CCDC73: variants seen among roughly 807,000 people sequenced by gnomAD.
The protein encoded by CCDC73 is coiled-coil domain containing 73, also known as coiled-coil domain-containing protein 73.
CCDC73 carries 95 observed loss-of-function variants against 116.5 expected under a neutral mutation model. That is an observed-to-expected ratio of 0.82 (90% confidence interval 0.69 to 0.97). CCDC73 has a LOEUF of 0.97. CCDC73 is among the 50% of genes least tolerant of loss of function. The pLI, the probability that CCDC73 is intolerant of heterozygous loss-of-function variation, is 0.00. For synonymous variants in CCDC73, 398 were observed against 401.3 expected, an observed-to-expected ratio of 0.99 and a Z score of 0.10; for missense variants, 1,066 against 1,206.8, an observed-to-expected ratio of 0.88 and a Z score of 1.73.
chr11:32,777,547 G>C (rs745790239), intron 1 of CCDC73, among the ~76,000 whole-genome samples: 1 of 152,212 alleles, frequency 6.6e-6, no homozygotes, highest in Non-Finnish European at 1.5e-5. Context: ...TAGATTTTTA[G>C]CTGGATTAAC....
At chr11:32,693,534 C>T (rs970179800) in intron 6 of CCDC73, among the ~76,000 whole-genome samples, 1 of 152,070 alleles carries the variant, frequency 6.6e-6, no homozygotes, top group African/African-American at 2.4e-5. Context: ...TGAAAATACT[C>T]TCTATAGGGA....
intron 1 of CCDC73, among the ~76,000 whole-genome samples, chr11:32,767,241 A>C (rs1188070833): frequency 6.6e-6 from 1 of 152,218 alleles, no homozygotes; most frequent in Non-Finnish European, 1.5e-5. Context: ...TATTTAACAA[A>C]TGGTGCTGGG....
At chr11:32,824,759 A>G in the CCDC73 span, among the ~76,000 whole-genome samples, 7 of 152,206 alleles carry the variant, frequency 4.6e-5, no homozygotes, top group African/African-American at 1.4e-4. Flanking sequence ...AGTAAAAGAA[A>G]CCACGCTTTA....
At chr11:32,697,701 C>G (rs1161240191) in intron 6 of CCDC73, among the ~76,000 whole-genome samples, 1 of 151,892 alleles carries the variant, frequency 6.6e-6, no homozygotes, top group Non-Finnish European at 1.5e-5. Flanking sequence ...CCAGGCTGGT[C>G]TCCAACTCCT....
At chr11:32,681,940 T>C (rs1856149240) in intron 7 of CCDC73, 3 of 151,922 alleles carry the variant, frequency 2.0e-5, no homozygotes, top group African/African-American at 7.2e-5. Context: ...ATTAAATATA[T>C]ATACCAACAT....
chr11:32,794,865 GTTTTTGGTTT>G (rs1398029052), upstream of CCDC73, among the ~76,000 whole-genome samples: 1 of 117,822 alleles, frequency 8.5e-6, no homozygotes, highest in Non-Finnish European at 1.8e-5. Flanking sequence ...TTTTCGGTTT[GTTTTTGGTTT>G]TTTTTTTGAG....
At chr11:32,805,856 A>G in the CCDC73 span, among the ~76,000 whole-genome samples, 1 of 152,198 alleles carries the variant, frequency 6.6e-6, no homozygotes, top group Admixed American at 6.5e-5. Context: ...ACTGGAGCTG[A>G]CCAGTCACAG....
chr11:32,780,685 G>A (rs1850575886), intron 1 of CCDC73, among the ~76,000 whole-genome samples: 4 of 152,066 alleles, frequency 2.6e-5, no homozygotes, highest in South Asian at 4.1e-4. Context: ...AAATAATAAC[G>A]GCTAATGTTT....
intron 2 of CCDC73, among the ~76,000 whole-genome samples, chr11:32,746,894 T>C (rs1233342257): frequency 6.6e-6 from 1 of 152,168 alleles, no homozygotes; most frequent in African/African-American, 2.4e-5. Flanking sequence ...CGGAGAAGTT[T>C]GTTATTACTG....
intron 1 of CCDC73, among the ~76,000 whole-genome samples, chr11:32,765,164 G>C (rs1167684025): frequency 6.6e-6 from 1 of 152,118 alleles, no homozygotes; most frequent in Non-Finnish European, 1.5e-5. Flanking sequence ...CAATAATAAT[G>C]GGAGACTTTA....
intron 14 of CCDC73, among the ~76,000 whole-genome samples, chr11:32,618,596 AG>A (rs1855495125): frequency 6.6e-6 from 1 of 152,136 alleles, no homozygotes; most frequent in African/African-American, 2.4e-5. Context: ...TTTATCGCCC[AG>A]GCTGGAGTGC....
chr11:32,732,170 G>T (rs1295627142), intron 2 of CCDC73, among the ~76,000 whole-genome samples: 13 of 152,192 alleles, frequency 8.5e-5, no homozygotes, highest in Admixed American at 8.5e-4. Flanking sequence ...GGGTATCAGT[G>T]ATTGAAGATC....
chr11:32,693,939 C>G (rs1412221122), intron 6 of CCDC73, among the ~76,000 whole-genome samples: 1 of 152,190 alleles, frequency 6.6e-6, no homozygotes. Flanking sequence ...CTATTTATGA[C>G]AAACCCACAG....
chr11:32,700,187 T>C (rs955146541), intron 5 of CCDC73, among the ~76,000 whole-genome samples: 36 of 151,998 alleles, frequency 2.4e-4, no homozygotes, highest in African/African-American at 8.2e-4. Context: ...CTAATGAATA[T>C]AAAAATATGG....
the CCDC73 span, among the ~76,000 whole-genome samples, chr11:32,824,326 A>G: frequency 1.3e-5 from 2 of 152,218 alleles, no homozygotes; most frequent in African/African-American, 2.4e-5. Flanking sequence ...TTTTATTTGT[A>G]TATGATTGAT....
intron 14 of CCDC73, among the ~76,000 whole-genome samples, chr11:32,620,567 C>T (rs969070512): frequency 5.0e-5 from 7 of 140,252 alleles, no homozygotes; most frequent in African/African-American, 1.6e-4. Context: ...GCCAAGATCA[C>T]GCCACTGCAC....
At chr11:32,744,415 G>A (rs1850216184) in intron 2 of CCDC73, among the ~76,000 whole-genome samples, 1 of 151,922 alleles carries the variant, frequency 6.6e-6, no homozygotes, top group Non-Finnish European at 1.5e-5. Flanking sequence ...GAATGATGCT[G>A]GCCTCATAAA....
intron 3 of CCDC73, among the ~76,000 whole-genome samples, chr11:32,705,606 T>G (rs1212130599): frequency 6.6e-6 from 1 of 152,174 alleles, no homozygotes; most frequent in African/African-American, 2.4e-5. Context: ...GCAAGCCGAG[T>G]GCAGCCCGCC....
chr11:32,662,359 T>A (rs1317260502), intron 9 of CCDC73, among the ~76,000 whole-genome samples: 1 of 152,214 alleles, frequency 6.6e-6, no homozygotes, highest in Non-Finnish European at 1.5e-5. Context: ...GTTTCCTGAC[T>A]TTTTAATGAT....
Sources: gnomAD v4.1 joint callset for allele counts (sites outside exome capture counted in the v4.1 genomes callset) on GRCh38, gnomAD v4.1.1 for gene constraint, MANE v1.5 for transcripts, NCBI Gene and HGNC (gene_info 2026-07-23, HGNC 2026-07-21) for gene names.